The following SALL2 variants were observed in gnomAD, a reference collection of about 807,000 sequenced individuals.
SALL2 encodes sal-like protein 2.
In SALL2, 32 loss-of-function variants were observed where a neutral mutation model predicts 58.5. That is an observed-to-expected ratio of 0.55 (90% CI 0.41 to 0.74). The LOEUF (loss-of-function observed/expected upper bound fraction) is 0.74. Among genes scored for constraint, SALL2 ranks in the 30% least tolerant of loss-of-function variants. The pLI is 0.00. For synonymous variants in SALL2, 516 were observed against 513.6 expected, an observed-to-expected ratio of 1.00 and a Z score of -0.06; for missense variants, 1,201 against 1,268.9, an observed-to-expected ratio of 0.95 and a Z score of 0.81.
intron 1 of SALL2, among the ~76,000 whole-genome samples, chr14:21,535,780 G>A (rs183409568): frequency 9.4e-4 from 143 of 152,306 alleles, no homozygotes; most frequent in African/African-American, 3.2e-3. Flanking sequence ...CCTGTCTGGA[G>A]CCAGGACTTC....
rs1278540011 is a variant in SALL2, at chr14:21,524,737, G to A, written c.985C>T (p.Gln329Ter). ...FPSTTGLLAA[Q>*]CLGAARGLEA... ...AGGCCTCGGGCTGCCCCAAGACACT[G>A]TGCTGCCAGTAGTCCCGTGGTGCTT... Residue 329 changes from glutamine to a stop codon, truncating the protein, a stop_gained, in exon 2 of 2, where the codon CAG (glutamine) becomes TAG (stop). Coordinates refer to ENST00000537235, the MANE Select transcript of SALL2 (RefSeq NM_001364564.1). LOFTEE classifies it high-confidence loss of function. 6.2e-7 allele frequency: 1 copy of A among 1,611,504 alleles called. No homozygotes were observed. Among genetic ancestry groups the A allele is most frequent in the African/African-American group, 1.3e-5 (1 of 74,918 alleles).
chr14:21,524,919 G>A lies in SALL2; in HGVS notation c.803C>T (p.Pro268Leu), dbSNP rs1892221660. 1 of 1,614,070 alleles carries A rather than the reference G, an allele frequency of 6.2e-7. No homozygotes were observed. The highest frequency in any genetic ancestry group is 1.7e-5 in the Admixed American group (1 of 60,004). ...GTAAAGGTGGAAGAAGGCCTGCTTG[G>A]GCGTTTCTGCCCCTGAAGAGGAAGA... Reference protein sequence around the residue: ...SSSSSSGAETPKQAFFHLYHP... With the variant: ...SSSSSSGAETLKQAFFHLYHP... The change falls in exon 2 of 2, where the codon CCC (proline) becomes CTC (leucine). Residue 268 changes from proline (P) to leucine (L), a missense_variant. By Grantham distance (98) the Pro-to-Leu change is moderately conservative (BLOSUM62 -3). Around this residue, in one of 3 missense-constraint regions of SALL2, gnomAD observed 467 missense variants for 468.9 expected, o/e 1.00. Transcript: ENST00000537235.
upstream of SALL2, among the ~76,000 whole-genome samples, chr14:21,527,681 A>G (rs1161759281): frequency 1.3e-5 from 2 of 152,150 alleles, no homozygotes; most frequent in Non-Finnish European, 2.9e-5. Flanking sequence ...AAAATTGGAC[A>G]ATATTAATGT....
At position 21,524,073 on chromosome 14, in the gene SALL2, T is replaced by C. The variant is rs1328465309; in HGVS notation, c.1649A>G (p.Lys550Arg). Residue 550 changes from lysine to arginine, a missense_variant, in exon 2 of 2, where the codon AAG becomes AGG. This residue lies in a region of SALL2 where 675 missense variants were observed against 683.8 expected (regional missense o/e 0.99). Coordinates refer to ENST00000537235, the MANE Select transcript of SALL2 (RefSeq NM_001364564.1). Reference sequence around the variant, plus strand: ...CCAGCTTGGTAGTGAAGTCACCAACTTACTTAGTTGCATGCGAGTTGCCGT... The same window carrying C: ...CCAGCTTGGTAGTGAAGTCACCAACCTACTTAGTTGCATGCGAGTTGCCGT... ...SSTATRMQLS[K>R]LVTSLPSWAL... The C allele has an allele frequency of 6.2e-7, 1 of 1,614,082 alleles. No individual in the cohort carries two copies. Among genetic ancestry groups the C allele is most frequent in the Non-Finnish European group, 8.5e-7 (1 of 1,180,022 alleles).
chr14:21,526,414 A>G (rs1172791322), upstream of SALL2: 13 of 1,178,158 alleles, frequency 1.1e-5, no homozygotes, highest in South Asian at 5.4e-5. Context: ...GAGCTAGAGG[A>G]GGCGGGAGAA....
upstream of SALL2, among the ~76,000 whole-genome samples, chr14:21,526,839 C>G (rs1479249146): frequency 6.6e-6 from 1 of 152,110 alleles, no homozygotes; most frequent in East Asian, 1.9e-4. Context: ...TTTCTCACTT[C>G]CATTCCCACC....
In SALL2 at chr14:21,525,546, G is replaced by A. The variant is rs762600277; in HGVS notation, c.176C>T (p.Pro59Leu). ...CTGGCCCCCAATTATCACCATTACA[G>A]GAGGGTCAGTAGAACATGCGTTCTG... ...AHQNACSTDP[P>L]VMVIIGGQEN... is the part of the protein sequence containing the mutation. Residue 59 changes from proline (P) to leucine (L), a missense_variant, in exon 2 of 2, where the codon CCT becomes CTT. By Grantham distance (98) the Pro-to-Leu change is moderately conservative. Coordinates refer to ENST00000537235, the MANE Select transcript of SALL2 (RefSeq NM_001364564.1). This position sits in a 1 kb window ranked among gnomAD's most constrained non-coding sequence, Gnocchi z 4.4. 5 of 1,614,000 alleles carry A rather than the reference G, an allele frequency of 3.1e-6. No homozygotes were observed. Among genetic ancestry groups the A allele is most frequent in the East Asian group, 2.2e-5 (1 of 44,876 alleles).
In SALL2 at chr14:21,522,398, G is replaced by C; in HGVS notation, c.*306C>G. On this transcript the variant is annotated 3_prime_UTR_variant, in exon 2 of 2. Transcript: ENST00000537235. The stretch of plus-strand genomic sequence containing the variant: ...GGTGCACCTACCAAAGGGAAAGGGA[G>C]AGGAGAGAGGAGGGGGAAGAAGGGT... 7.0e-7 allele frequency: 1 copy of C among 1,422,084 alleles called. No homozygotes were observed. The highest frequency in any genetic ancestry group is 9.2e-7 in the Non-Finnish European group (1 of 1,091,784). 88.1% of individuals were successfully genotyped at this position (1,422,084 alleles called of 1,614,324 possible).
In SALL2 at chr14:21,525,959, G is replaced by T; in HGVS notation, c.67+102C>A. 1 of 1,131,126 alleles carries T rather than the reference G, an allele frequency of 8.8e-7. No individual in the cohort carries two copies. Among genetic ancestry groups the T allele is most frequent in the Non-Finnish European group, 1.3e-6 (1 of 780,170 alleles). 70.1% of individuals were successfully genotyped at this position (1,131,126 alleles called of 1,614,324 possible). On this transcript the variant is annotated intron_variant, in intron 1 of 1. Transcript: ENST00000537235. The surrounding 1 kb of genome is among the most constrained non-coding windows in gnomAD (Gnocchi z 4.4). ...AATAGGTGTGGGGACAGGGGCCTAC[G>T]CAGAGAATCATGCATTTTCTCCCAC...
rs371319924 is a variant in SALL2 at position 21,524,842 on chromosome 14, G to A, written c.880C>T (p.His294Tyr). 5.6e-6 allele frequency: 9 copies of A among 1,613,008 alleles called. No individual in the cohort carries two copies. The African/African-American group carries it at 1.2e-4, about 22-fold the overall frequency. ...PFSAGGVGRS[H>Y]KPTPAPSPAL... ...GGGGAAGGGGCAGGGGTGGGTTTGT[G>A]GCTTCGCCCAACCCCTCCAGCAGAG... The change falls in exon 2 of 2, where the codon CAC becomes TAC. Residue 294 changes from histidine (H) to tyrosine (Y), a missense_variant. Physicochemically the swap from His to Tyr is moderately conservative, Grantham distance 83. This residue lies in a region of SALL2 where 467 missense variants were observed against 468.9 expected (regional missense o/e 1.00). Transcript: ENST00000537235.
In SALL2 at chr14:21,523,686, T is replaced by C; in HGVS notation, c.2036A>G (p.His679Arg). ...TGCCCGGGCAGCTGGACTGGCCTTG[T>C]GGCCCACGAAATGTGCACGCAGATT... is the stretch of plus-strand genomic sequence containing the variant. ...RGNLRAHFVGHKASPAARAQN... is the reference protein window; with the variant it reads ...RGNLRAHFVGRKASPAARAQN... The change falls in exon 2 of 2, where the codon CAC becomes CGC. Residue 679 changes from histidine (H) to arginine (R), a missense_variant. By Grantham distance (29) the His-to-Arg change is conservative (BLOSUM62 0). This residue lies in a region of SALL2 where 675 missense variants were observed against 683.8 expected (regional missense o/e 0.99). Transcript: ENST00000537235. This position sits in a 1 kb window ranked among gnomAD's most constrained non-coding sequence, Gnocchi z 4.4. The C allele has an allele frequency of 3.1e-6, 5 of 1,614,220 alleles. No individual in the cohort carries two copies. Among genetic ancestry groups the C allele is most frequent in the Non-Finnish European group, 4.2e-6 (5 of 1,180,040 alleles).
upstream of SALL2, among the ~76,000 whole-genome samples, chr14:21,526,667 T>C (rs1892326093): frequency 6.6e-6 from 1 of 151,684 alleles, no homozygotes; most frequent in African/African-American, 2.4e-5. Flanking sequence ...GCTTCTCTTA[T>C]TTTTCTTTGG....
intron 1 of SALL2, chr14:21,536,926 G>A (rs770500436): frequency 6.2e-7 from 1 of 1,613,872 alleles, no homozygotes; most frequent in South Asian, 1.1e-5. Flanking sequence ...AGACATTCCC[G>A]GGTAGAGAGT....
upstream of SALL2, among the ~76,000 whole-genome samples, chr14:21,531,013 T>A (rs144573788): frequency 5.3e-5 from 8 of 152,356 alleles, no homozygotes; most frequent in East Asian, 1.5e-3. Flanking sequence ...GGGAAATATC[T>A]CATCTTCTCC....
chr14:21,525,972 C>T lies in SALL2; in HGVS notation c.67+89G>A. On this transcript the variant is annotated intron_variant, in intron 1 of 1. Coordinates refer to ENST00000537235, the MANE Select transcript of SALL2 (RefSeq NM_001364564.1). This position sits in a 1 kb window ranked among gnomAD's most constrained non-coding sequence, Gnocchi z 4.4. ...ACAGGGGCCTACGCAGAGAATCATGCATTTTCTCCCACCCACCGAAAGTCT... is the reference window on the plus strand; with the variant it reads ...ACAGGGGCCTACGCAGAGAATCATGTATTTTCTCCCACCCACCGAAAGTCT... 8.3e-7 allele frequency: 1 copy of T among 1,205,164 alleles called. No individual in the cohort carries two copies. The highest frequency in any genetic ancestry group is 1.2e-6 in the Non-Finnish European group (1 of 846,408). The allele number at this position is 1,205,164 out of a possible 1,614,324, so 74.7% of individuals were successfully genotyped here.
At chr14:21,536,483 G>GT (rs1892599228) in intron 1 of SALL2, among the ~76,000 whole-genome samples, 3 of 152,162 alleles carry the variant, frequency 2.0e-5, no homozygotes, top group Non-Finnish European at 4.4e-5. Flanking sequence ...GAAAAGGGGG[G>GT]AAAATCCCAC....
chr14:21,521,978 CAGGGGG>C lies in SALL2; in HGVS notation c.*720_*725del. The C allele has an allele frequency of 6.5e-7, 1 of 1,530,712 alleles. No homozygotes were observed. The highest frequency in any genetic ancestry group is 8.8e-7 in the Non-Finnish European group (1 of 1,140,002). 94.8% of individuals were successfully genotyped at this position (1,530,712 alleles called of 1,614,324 possible). ...TCTTCAGTACCGGCACCTTCTGGAG[CAGGGGG>C]AGGAAGAAGGAATGTACAGTTTGCT... On this transcript the variant is annotated 3_prime_UTR_variant, in exon 2 of 2. Coordinates refer to ENST00000537235, the MANE Select transcript of SALL2 (RefSeq NM_001364564.1).
rs935161796 is a variant in SALL2 at position 21,522,961 on chromosome 14, G to C, written c.2761C>G (p.Gln921Glu). Residue 921 changes from glutamine (Q) to glutamate (E), a missense_variant, in exon 2 of 2, where the codon CAG becomes GAG. By Grantham distance (29) the Gln-to-Glu change is conservative. Coordinates refer to ENST00000537235, the MANE Select transcript of SALL2 (RefSeq NM_001364564.1). ...CEVCGQAFPSQAALEEHQKTH... is the reference protein window; with the variant it reads ...CEVCGQAFPSEAALEEHQKTH... ...TTCTGATGCTCCTCCAGAGCTGCCTGGGAGGGAAAGGCCTGGCCACACACT... is the reference window on the plus strand; with the variant it reads ...TTCTGATGCTCCTCCAGAGCTGCCTCGGAGGGAAAGGCCTGGCCACACACT... 2 of 1,614,106 alleles carry C rather than the reference G, an allele frequency of 1.2e-6. No individual in the cohort carries two copies. The highest frequency in any genetic ancestry group is 1.7e-6 in the Non-Finnish European group (2 of 1,180,004).
upstream of SALL2, chr14:21,526,357 G>A: frequency 2.2e-6 from 3 of 1,383,408 alleles, no homozygotes; most frequent in Non-Finnish European, 2.8e-6. Context: ...GGGAGGAGCT[G>A]ATGAGGAGGG....
Sources: allele counts gnomAD v4.1 joint callset (sites outside exome capture counted in the v4.1 genomes callset), GRCh38; gene constraint gnomAD v4.1.1; regional missense constraint gnomAD v4.1.1; non-coding constraint Gnocchi (gnomAD v3.1); transcripts MANE v1.5; gene names NCBI Gene and HGNC (gene_info 2026-07-23, HGNC 2026-07-21).